The following ORC5 variants were observed in gnomAD, a reference collection of about 807,000 sequenced individuals.
ORC5 encodes origin recognition complex subunit 5, also known as protein phosphatase 1, regulatory subunit 117.
In ORC5, 39 loss-of-function variants were observed where a neutral mutation model predicts 58.8. That is an observed-to-expected ratio of 0.66 (90% confidence interval 0.51 to 0.87). The LOEUF (loss-of-function observed/expected upper bound fraction) is 0.87. Ranked by LOEUF, ORC5 falls within the 40% of genes least tolerant of loss-of-function variation. The pLI, the probability that ORC5 is intolerant of heterozygous loss-of-function variation, is 0.00. For synonymous variants in ORC5, 218 were observed against 177.6 expected, an observed-to-expected ratio of 1.23 and a Z score of -1.81; for missense variants, 493 against 506.3, an observed-to-expected ratio of 0.97 and a Z score of 0.25.
At chr7:104,161,434 T>C (rs982545309) in intron 11 of ORC5, among the ~76,000 whole-genome samples, 5 of 152,194 alleles carry the variant, frequency 3.3e-5, no homozygotes, top group African/African-American at 7.2e-5. Flanking sequence ...AGCGCAATCA[T>C]GGCTCACTAC....
At chr7:104,204,990 G>A (rs1800039116) in intron 1 of ORC5, among the ~76,000 whole-genome samples, 1 of 149,560 alleles carries the variant, frequency 6.7e-6, no homozygotes, top group African/African-American at 2.5e-5. Flanking sequence ...GTACTGAAGA[G>A]AACAAATAAC....
At chr7:104,157,141 G>A (rs1798940016) in intron 12 of ORC5, among the ~76,000 whole-genome samples, 1 of 151,994 alleles carries the variant, frequency 6.6e-6, no homozygotes, top group African/African-American at 2.4e-5. Flanking sequence ...GTCACTGGGA[G>A]TCAATGGGAA....
intron 11 of ORC5, among the ~76,000 whole-genome samples, chr7:104,162,180 T>C (rs1015861744): frequency 1.3e-5 from 2 of 152,186 alleles, no homozygotes; most frequent in Non-Finnish European, 2.9e-5. Context: ...TAAATATTTA[T>C]TTCTTTTTTT....
intron 8 of ORC5, among the ~76,000 whole-genome samples, chr7:104,175,421 A>G (rs1031127217): frequency 6.6e-6 from 1 of 152,224 alleles, no homozygotes; most frequent in Non-Finnish European, 1.5e-5. Flanking sequence ...CAGCCAAGAT[A>G]GAAACAAAGG....
chr7:104,136,165 C>T lies in ORC5; in HGVS notation c.1262+616G>A, dbSNP rs1217619389. Among the ~76,000 whole-genome samples, 1 of 152,142 alleles carries T rather than the reference C, an allele frequency of 6.6e-6. No individual in the cohort carries two copies. Among genetic ancestry groups the T allele is most frequent in the Admixed American group, 6.5e-5 (1 of 15,278 alleles). On this transcript the variant is annotated intron_variant, in intron 13 of 13. Coordinates refer to ENST00000297431, the MANE Select transcript of ORC5 (RefSeq NM_002553.4). The surrounding 1 kb of genome is among the most constrained non-coding windows in gnomAD (Gnocchi z 4.2). ...ATTTTGCACGACAGCCCCTGAAACA[C>T]TTAAGACAGTTCACATGTCCTTCCT...
chr7:104,183,676 G>A (rs1038623639), intron 8 of ORC5, among the ~76,000 whole-genome samples: 15 of 152,130 alleles, frequency 9.9e-5, no homozygotes, highest in African/African-American at 7.2e-5. Flanking sequence ...CTGAACTGGC[G>A]CCATCCTTGT....
At chr7:104,167,492 C>T (rs1203997152) in intron 9 of ORC5, among the ~76,000 whole-genome samples, 1 of 152,166 alleles carries the variant, frequency 6.6e-6, no homozygotes, top group African/African-American at 2.4e-5. Context: ...AATCATACCC[C>T]TTAGTAAACA....
intron 5 of ORC5, among the ~76,000 whole-genome samples, chr7:104,190,093 G>C (rs1342799415): frequency 6.6e-6 from 1 of 152,050 alleles, no homozygotes; most frequent in Non-Finnish European, 1.5e-5. Flanking sequence ...TTTGGTGTCA[G>C]AAGTGTTTTG....
intron 4 of ORC5, among the ~76,000 whole-genome samples, chr7:104,196,941 A>G (rs1200075172): frequency 6.6e-6 from 1 of 152,054 alleles, no homozygotes; most frequent in Non-Finnish European, 1.5e-5. Flanking sequence ...TCCCTCACCA[A>G]TTTTCCTTAT....
intron 12 of ORC5, among the ~76,000 whole-genome samples, chr7:104,150,612 T>C (rs1488566204): frequency 6.6e-6 from 1 of 152,078 alleles, no homozygotes; most frequent in African/African-American, 2.4e-5. Context: ...AAGTAGCATG[T>C]ATGTTTATAC....
intron 12 of ORC5, among the ~76,000 whole-genome samples, chr7:104,158,044 G>A (rs868800269): frequency 6.6e-6 from 1 of 151,924 alleles, no homozygotes. Context: ...ATACATTTCT[G>A]TATAATAAAC....
chr7:104,132,908 C>G (rs1798534591), intron 13 of ORC5, among the ~76,000 whole-genome samples: 1 of 151,826 alleles, frequency 6.6e-6, no homozygotes, highest in Non-Finnish European at 1.5e-5. Context: ...AAACTGAAAT[C>G]TAAAGGTTAT....
Position 104,208,009 on chromosome 7 carries a change from G to A in ORC5, c.-105C>T, listed in dbSNP as rs1262178722. On this transcript the variant is annotated 5_prime_UTR_variant, in exon 1 of 14. Transcript: ENST00000297431. ...CGGCCCACGCTCCCGCCGGAAACCG[G>A]ACCCGCAGCGTCGTGGGAGGAGCCT... 1.0e-5 allele frequency: 11 copies of A among 1,088,814 alleles called. No individual in the cohort carries two copies. The highest frequency in any genetic ancestry group is 4.9e-5 in the East Asian group (2 of 40,590). The allele number at this position is 1,088,814 out of a possible 1,614,324, so 67.4% of individuals were successfully genotyped here.
chr7:104,181,480 A>G (rs1446984487), intron 8 of ORC5, among the ~76,000 whole-genome samples: 1 of 152,204 alleles, frequency 6.6e-6, no homozygotes, highest in Admixed American at 6.5e-5. Flanking sequence ...TGACTGTCAT[A>G]TCATATTAGA....
At chr7:104,204,071 G>C in intron 2 of ORC5, 71 bp downstream of exon 2, 1 of 746,178 alleles carries the variant, frequency 1.3e-6, no homozygotes, top group Non-Finnish European at 2.2e-6. Context: ...CATTTGTGGA[G>C]ATTCACAATT....
intron 8 of ORC5, among the ~76,000 whole-genome samples, chr7:104,178,332 C>T (rs12705185): frequency 0.62 from 93,804 of 152,034 alleles, 30,823 homozygotes; most frequent in Non-Finnish European, 0.75. Context: ...GATGAGCTTT[C>T]TTCATGTTTG....
At chr7:104,141,509 T>C (rs900762515) in intron 12 of ORC5, among the ~76,000 whole-genome samples, 2 of 152,170 alleles carry the variant, frequency 1.3e-5, no homozygotes, top group Admixed American at 1.3e-4. Context: ...AGTTCAACAA[T>C]GTGGACCTCA....
At chr7:104,163,372 A>G (rs183910204) in intron 11 of ORC5, among the ~76,000 whole-genome samples, 100 of 152,334 alleles carry the variant, frequency 6.6e-4, no homozygotes, top group Non-Finnish European at 9.1e-4. Flanking sequence ...AGAGGCCACA[A>G]TGTTTCACTT....
intron 8 of ORC5, among the ~76,000 whole-genome samples, chr7:104,172,553 TA>T (rs565003421): frequency 1.3e-5 from 2 of 152,052 alleles, no homozygotes; most frequent in African/African-American, 2.4e-5. Context: ...AGAAAAATGG[TA>T]AAAAAAATTG....
Sources: gnomAD v4.1 joint callset for allele counts (sites outside exome capture counted in the v4.1 genomes callset) on GRCh38, gnomAD v4.1.1 for gene constraint, Gnocchi (gnomAD v3.1) non-coding constraint, MANE v1.5 for transcripts, NCBI Gene and HGNC (gene_info 2026-07-23, HGNC 2026-07-21) for gene names.